OPCML: variants seen among roughly 807,000 people sequenced by gnomAD.
OPCML encodes opioid binding protein/cell adhesion molecule like.
OPCML carries 13 observed loss-of-function variants against 37.8 expected under a neutral mutation model. The ratio of observed to expected loss-of-function variants is 0.34; its 90% CI spans 0.22 to 0.55. The LOEUF is 0.55. Among genes scored for constraint, OPCML ranks in the 20% least tolerant of loss-of-function variants. The pLI, the probability that OPCML is intolerant of heterozygous loss-of-function variation, is 0.91. For missense variants in OPCML, 341 were observed against 435.6 expected (o/e 0.78, Z 1.93); for synonymous variants, 176 against 168.8 (o/e 1.04, Z -0.33).
At chr11:133,045,982 A>G (rs549884998) in intron 1 of OPCML, among the ~76,000 whole-genome samples, 3 of 152,302 alleles carry the variant, frequency 2.0e-5, no homozygotes, top group African/African-American at 7.2e-5. Context: ...TGAAGCTACA[A>G]GATGCTCACC....
At chr11:133,370,416 T>C (rs1312100264) in intron 1 of OPCML, among the ~76,000 whole-genome samples, 1 of 150,576 alleles carries the variant, frequency 6.6e-6, no homozygotes, top group African/African-American at 2.4e-5. Context: ...GCAGCATTTC[T>C]ATACATCAAT....
At chr11:132,633,641 GAGCTGAT>G (rs1346796106) in intron 3 of OPCML, among the ~76,000 whole-genome samples, 1 of 151,966 alleles carries the variant, frequency 6.6e-6, no homozygotes, top group African/African-American at 2.4e-5. Context: ...ACAAAATAAA[GAGCTGAT>G]ACCTCCTGAT....
chr11:133,274,682 G>A (rs1002433476), intron 1 of OPCML, among the ~76,000 whole-genome samples: 2 of 152,214 alleles, frequency 1.3e-5, no homozygotes, highest in African/African-American at 4.8e-5. Context: ...CGTGACTAAA[G>A]TGACTGCCCC....
intron 1 of OPCML, among the ~76,000 whole-genome samples, chr11:133,275,588 C>T (rs1294060596): frequency 6.6e-6 from 1 of 152,124 alleles, no homozygotes. Context: ...TCTTGCTTTG[C>T]CTCTACAAAT....
intron 1 of OPCML, among the ~76,000 whole-genome samples, chr11:133,218,288 C>T (rs867966526): frequency 1.3e-5 from 2 of 151,888 alleles, no homozygotes; most frequent in African/African-American, 2.4e-5. Context: ...GTCAAGTTCC[C>T]GAGACACCAA....
intron 2 of OPCML, among the ~76,000 whole-genome samples, chr11:132,671,613 C>T (rs1222259716): frequency 1.3e-5 from 2 of 152,126 alleles, no homozygotes; most frequent in East Asian, 1.9e-4. Flanking sequence ...CCATTTTACT[C>T]ATATGTATGA....
intron 1 of OPCML, among the ~76,000 whole-genome samples, chr11:133,056,552 C>T (rs773858125): frequency 7.2e-5 from 11 of 152,194 alleles, no homozygotes; most frequent in Non-Finnish European, 1.2e-4. Flanking sequence ...AATTAAAAGT[C>T]TGGGGAAGAA....
Position 133,206,622 on chromosome 11 carries a change from A to G in OPCML, c.62-263612T>C, listed in dbSNP as rs1055951318. 2.6e-5 allele frequency among the ~76,000 whole-genome samples: 4 copies of G among 152,194 alleles called. No individual in the cohort carries two copies. Among genetic ancestry groups the G allele is most frequent in the Non-Finnish European group, 4.4e-5 (3 of 68,040 alleles). ...TTATAGGCTGTTCCAAAAACCAAGC[A>G]CCCAATGTCACCCTGAGAGATCACT... is the stretch of plus-strand genomic sequence containing the variant. On this transcript the variant is annotated intron_variant, in intron 1 of 7. Transcript: ENST00000524381. The surrounding 1 kb of genome is among the most constrained non-coding windows in gnomAD (Gnocchi z 4.7).
intron 1 of OPCML, among the ~76,000 whole-genome samples, chr11:132,984,864 C>T (rs1452803126): frequency 1.3e-5 from 2 of 152,214 alleles, no homozygotes; most frequent in African/African-American, 4.8e-5. Context: ...CCGCCCGCTT[C>T]CTCTGCTTCC....
intron 1 of OPCML, chr11:133,298,264 A>T (rs1336068650): frequency 6.6e-6 from 1 of 152,188 alleles, no homozygotes; most frequent in African/African-American, 2.4e-5. Flanking sequence ...AAGAAGAAAG[A>T]TAGGGAGGGA....
At chr11:132,641,355 C>T (rs1249013913) in intron 3 of OPCML, among the ~76,000 whole-genome samples, 3 of 152,186 alleles carry the variant, frequency 2.0e-5, no homozygotes, top group Non-Finnish European at 4.4e-5. Context: ...AGAGCTGCCA[C>T]TTTCACCTCT....
At chr11:132,661,493 T>C (rs751492325) in intron 2 of OPCML, among the ~76,000 whole-genome samples, 5 of 152,168 alleles carry the variant, frequency 3.3e-5, no homozygotes, top group Non-Finnish European at 5.9e-5. Flanking sequence ...CTTAAAAAGT[T>C]GGCTTGAGTG....
At position 133,010,440 on chromosome 11, in the gene OPCML, T is replaced by C. The variant is rs565100864; in HGVS notation, c.62-67430A>G. On this transcript the variant is annotated intron_variant, in intron 1 of 7. Coordinates refer to ENST00000524381, the MANE Select transcript of OPCML (RefSeq NM_001012393.5). ...AACACTTGTAAGAGGTGGAAGAGTC[T>C]TCAGATATTTAAAGCATTATTAAAA... 6.6e-5 allele frequency among the ~76,000 whole-genome samples: 10 copies of C among 152,342 alleles called. No homozygotes were observed. The South Asian group carries it at 2.1e-3, about 32-fold the overall frequency.
At chr11:133,103,028 G>A (rs998214903) in intron 1 of OPCML, among the ~76,000 whole-genome samples, 2 of 152,094 alleles carry the variant, frequency 1.3e-5, no homozygotes, top group South Asian at 2.1e-4. Context: ...GACTGTTGTC[G>A]TCAGCTTCTC....
At chr11:132,519,116 G>T (rs2137233618) in intron 4 of OPCML, among the ~76,000 whole-genome samples, 1 of 152,308 alleles carries the variant, frequency 6.6e-6, no homozygotes, top group Non-Finnish European at 1.5e-5. Flanking sequence ...GTATTAAGTA[G>T]AAAGTGTGGT....
intron 4 of OPCML, among the ~76,000 whole-genome samples, chr11:132,463,735 T>C (rs1194216833): frequency 2.0e-5 from 3 of 152,222 alleles, no homozygotes; most frequent in East Asian, 1.9e-4. Flanking sequence ...ACTTTGCTGG[T>C]CAGTCATCTG....
intron 1 of OPCML, chr11:133,302,111 C>T (rs1170123737): frequency 6.6e-6 from 1 of 152,070 alleles, no homozygotes; most frequent in African/African-American, 2.4e-5. Context: ...AGGAAGAGTC[C>T]ATTGTGAGCT....
intron 1 of OPCML, among the ~76,000 whole-genome samples, chr11:133,387,522 CTA>C (rs1945081550): frequency 6.6e-6 from 1 of 152,204 alleles, no homozygotes; most frequent in African/African-American, 2.4e-5. Flanking sequence ...CAGAGTTCTT[CTA>C]TGAGAAGTTA....
chr11:132,696,065 T>C (rs1341458077), intron 2 of OPCML, among the ~76,000 whole-genome samples: 1 of 152,136 alleles, frequency 6.6e-6, no homozygotes, highest in East Asian at 1.9e-4. Context: ...AGCCCACTAT[T>C]AACCCAGGCA....
Sources: allele counts gnomAD v4.1 joint callset (sites outside exome capture counted in the v4.1 genomes callset), GRCh38; gene constraint gnomAD v4.1.1; non-coding constraint Gnocchi (gnomAD v3.1); transcripts MANE v1.5; gene names NCBI Gene and HGNC (gene_info 2026-07-23, HGNC 2026-07-21).